The following CDC40 variants were observed in gnomAD, a reference collection of about 807,000 sequenced individuals.
CDC40 encodes cell division cycle 40.
In CDC40, 27 loss-of-function variants were observed where a neutral mutation model predicts 80.6. The observed-to-expected ratio is 0.33, with a 90% confidence interval of 0.25 to 0.46. The LOEUF is 0.46. Among genes scored for constraint, CDC40 ranks in the 20% least tolerant of loss-of-function variants. The probability of loss-of-function intolerance (pLI) is 1.00; values close to 1 mark genes in which losing one functional copy is unlikely to be tolerated. For synonymous variants in CDC40, 221 were observed against 232.6 expected, an observed-to-expected ratio of 0.95 and a Z score of 0.45; for missense variants, 486 against 694.1, an observed-to-expected ratio of 0.70 and a Z score of 3.37.
chr6:110,196,802 T>C (rs970342856), intron 2 of CDC40, among the ~76,000 whole-genome samples: 23 of 151,676 alleles, frequency 1.5e-4, no homozygotes, highest in African/African-American at 5.6e-4. Context: ...TATCCACTAA[T>C]AAAATTGAAT....
chr6:110,226,662 C>T lies in CDC40; in HGVS notation c.1417+419C>T, dbSNP rs774452525. Reference sequence around the variant, plus strand: ...TCCTGGGCTCAAGTGATCTTCCCTCCTCAGCCTCCCAAGGTGCTGGGATTA... The same window carrying T: ...TCCTGGGCTCAAGTGATCTTCCCTCTTCAGCCTCCCAAGGTGCTGGGATTA... On this transcript the variant is annotated intron_variant, in intron 13 of 14. Coordinates refer to ENST00000307731, the MANE Select transcript of CDC40 (RefSeq NM_015891.3). Among the ~76,000 whole-genome samples, 93 of 151,806 alleles carry T rather than the reference C, an allele frequency of 6.1e-4. 1 individual carries two copies. Among genetic ancestry groups the T allele is most frequent in the Non-Finnish European group, 9.6e-4 (65 of 67,968 alleles).
chr6:110,204,077 A>G (rs906201376), intron 3 of CDC40, among the ~76,000 whole-genome samples: 1 of 152,076 alleles, frequency 6.6e-6, no homozygotes, highest in Non-Finnish European at 1.5e-5. Flanking sequence ...CAGTGGCGCG[A>G]TCTCAGCTCA....
intron 9 of CDC40, among the ~76,000 whole-genome samples, chr6:110,217,099 C>T (rs1436092715): frequency 6.6e-6 from 1 of 151,946 alleles, no homozygotes; most frequent in African/African-American, 2.4e-5. Context: ...AGAGCAAGAC[C>T]CTATCTCAAA....
At chr6:110,205,253 C>T (rs977788629) in intron 3 of CDC40, among the ~76,000 whole-genome samples, 4 of 151,930 alleles carry the variant, frequency 2.6e-5, no homozygotes, top group African/African-American at 9.7e-5. Context: ...AGAAAGTAGA[C>T]ATTAATTCCA....
At chr6:110,191,394 G>A (rs1179416434) in intron 1 of CDC40, among the ~76,000 whole-genome samples, 1 of 152,190 alleles carries the variant, frequency 6.6e-6, no homozygotes, top group Non-Finnish European at 1.5e-5. Context: ...CAAGAGGCCA[G>A]CAGATTAAAG....
chr6:110,191,577 G>A (rs1384667611), intron 1 of CDC40, among the ~76,000 whole-genome samples: 1 of 152,204 alleles, frequency 6.6e-6, no homozygotes, highest in Non-Finnish European at 1.5e-5. Flanking sequence ...GAAAAACTGA[G>A]CAGAGACTTA....
At chr6:110,189,572 C>A (rs1777318605) in intron 1 of CDC40, among the ~76,000 whole-genome samples, 2 of 152,198 alleles carry the variant, frequency 1.3e-5, no homozygotes, top group Non-Finnish European at 2.9e-5. Context: ...TCTATTTCAT[C>A]CCAAAGAGAG....
intron 13 of CDC40, among the ~76,000 whole-genome samples, chr6:110,226,540 C>CCTCCTCTCCCCTCCT (rs1343191663): frequency 1.3e-5 from 2 of 149,804 alleles, no homozygotes; most frequent in Non-Finnish European, 3.0e-5. Flanking sequence ...TTTCTTTTCC[C>CCTCCTCTCCCCTCCT]CTCCTCTCCC....
chr6:110,213,253 C>T, intron 8 of CDC40, 93 bp downstream of exon 8: 1 of 788,032 alleles, frequency 1.3e-6, no homozygotes, highest in South Asian at 1.5e-5. Flanking sequence ...GTTTGTTAGG[C>T]AATTAGAAGC....
chr6:110,186,724 G>C (rs891664552), intron 1 of CDC40, among the ~76,000 whole-genome samples: 1 of 151,816 alleles, frequency 6.6e-6, no homozygotes, highest in Non-Finnish European at 1.5e-5. Context: ...CCATTTTTTT[G>C]AGATATGGTT....
intron 5 of CDC40, among the ~76,000 whole-genome samples, chr6:110,209,654 A>G (rs1426749842): frequency 6.6e-6 from 1 of 152,142 alleles, no homozygotes; most frequent in Non-Finnish European, 1.5e-5. Flanking sequence ...AAAAACTACT[A>G]TAAAGTTTGT....
chr6:110,209,316 A>C (rs1199219464), intron 5 of CDC40, 93 bp downstream of exon 5: 1 of 1,120,094 alleles, frequency 8.9e-7, no homozygotes. Flanking sequence ...TCTTTAGAGA[A>C]CCAAATGACT....
intron 1 of CDC40, among the ~76,000 whole-genome samples, chr6:110,188,718 G>A (rs1487337431): frequency 6.6e-6 from 1 of 152,176 alleles, no homozygotes; most frequent in African/African-American, 2.4e-5. Context: ...AGCCAGGAAA[G>A]AGGACTTAAA....
At chr6:110,191,922 G>T (rs1777353973) in intron 1 of CDC40, among the ~76,000 whole-genome samples, 1 of 152,138 alleles carries the variant, frequency 6.6e-6, no homozygotes, top group African/African-American at 2.4e-5. Context: ...AATAGAACAT[G>T]AGTGCACTAT....
chr6:110,196,268 C>T (rs1191632936), intron 2 of CDC40, among the ~76,000 whole-genome samples: 1 of 152,164 alleles, frequency 6.6e-6, no homozygotes, highest in Non-Finnish European at 1.5e-5. Context: ...ACCCCTATGC[C>T]TTTGACTTTG....
In CDC40 at chr6:110,229,062, C is replaced by G. The variant is rs1358145012; in HGVS notation, c.1562+86C>G. The G allele has an allele frequency of 1.6e-5, 17 of 1,049,540 alleles. No homozygotes were observed. In the Admixed American group the frequency reaches 3.3e-4, roughly 20 times the overall value. 65.0% of individuals were successfully genotyped at this position (1,049,540 alleles called of 1,614,324 possible). A position where few individuals can be genotyped will look rare whatever the true frequency, so the allele number is the denominator to read the frequency against. On this transcript the variant is annotated intron_variant, in intron 14 of 14. Transcript: ENST00000307731. Reference sequence around the variant, plus strand: ...TACAAATAACACTTGACACATCACTCTCACATAATATGTTTTTATGAGAAC... The same window carrying G: ...TACAAATAACACTTGACACATCACTGTCACATAATATGTTTTTATGAGAAC...
intron 8 of CDC40, among the ~76,000 whole-genome samples, chr6:110,214,708 A>G (rs1186003977): frequency 1.3e-5 from 2 of 152,238 alleles, no homozygotes; most frequent in African/African-American, 4.8e-5. Flanking sequence ...AATTGGATTC[A>G]AGGCAGTCAA....
intron 3 of CDC40, among the ~76,000 whole-genome samples, chr6:110,202,471 C>G (rs2114657872): frequency 1.3e-5 from 2 of 152,246 alleles, no homozygotes; most frequent in East Asian, 3.9e-4. Context: ...ATATTCTAAC[C>G]TATAATAAGA....
intron 9 of CDC40, among the ~76,000 whole-genome samples, chr6:110,216,385 C>T (rs1465222569): frequency 6.6e-6 from 1 of 152,244 alleles, no homozygotes; most frequent in East Asian, 1.9e-4. Flanking sequence ...ATTTTAAGGC[C>T]TCCCTGCACA....
Sources: gnomAD v4.1 joint callset for allele counts (sites outside exome capture counted in the v4.1 genomes callset) on GRCh38, gnomAD v4.1.1 for gene constraint, MANE v1.5 for transcripts, NCBI Gene and HGNC (gene_info 2026-07-23, HGNC 2026-07-21) for gene names.